The following DDT variants were observed in gnomAD, a reference collection of about 807,000 sequenced individuals.
DDT encodes D-dopachrome tautomerase.
In DDT, 4 loss-of-function variants were observed where a neutral mutation model predicts 2.5. The ratio of observed to expected loss-of-function variants is 1.59; its 90% CI spans 0.78 to 3.63. DDT has a LOEUF of 3.63. DDT is among the 30% of genes most tolerant of loss of function. The pLI is 0.01. For synonymous variants in DDT, 11 were observed against 10.0 expected (o/e 1.10, Z -0.19); for missense variants, 32 against 30.0 (o/e 1.07, Z -0.15).
chr22:23,971,370 T>C lies in DDT; in HGVS notation c.*181A>G, dbSNP rs1349347361. Reference sequence around the variant, plus strand: ...AGATAATAGAAGGTAAGAAGTCATGTTTGAATGAGGAAGCTCTCTTCATTT... The same window carrying C: ...AGATAATAGAAGGTAAGAAGTCATGCTTGAATGAGGAAGCTCTCTTCATTT... On this transcript the variant is annotated 3_prime_UTR_variant, in exon 3 of 3. Coordinates refer to ENST00000398344, the MANE Select transcript of DDT (RefSeq NM_001084392.3). 1.9e-6 allele frequency: 3 copies of C among 1,613,980 alleles called. No individual in the cohort carries two copies. The highest frequency in any genetic ancestry group is 2.2e-5 in the East Asian group (1 of 44,882).
rs113258960 is a variant in DDT, at chr22:23,972,527, G to A, written c.285-904C>T. Reference sequence around the variant, plus strand: ...ATAGTTGTATTGTTTAGGGAATAATGACAAGGAATAAAGTCTATACGTATT... The same window carrying A: ...ATAGTTGTATTGTTTAGGGAATAATAACAAGGAATAAAGTCTATACGTATT... On this transcript the variant is annotated intron_variant, in intron 2 of 2. Transcript: ENST00000398344. 0.013 allele frequency: 7,477 copies of A among 572,436 alleles called. 529 individuals carry two copies. The African/African-American group carries it at 0.14, about 11-fold the overall frequency. The allele number at this position is 572,436 out of a possible 1,614,324, so 35.5% of individuals were successfully genotyped here.
rs377124613 is a variant in DDT, at chr22:23,971,419, G to A, written c.*132C>T. 4.3e-6 allele frequency: 7 copies of A among 1,612,118 alleles called. No individual in the cohort carries two copies. Among genetic ancestry groups the A allele is most frequent in the African/African-American group, 2.7e-5 (2 of 74,850 alleles). On this transcript the variant is annotated 3_prime_UTR_variant, in exon 3 of 3. Coordinates refer to ENST00000398344, the MANE Select transcript of DDT (RefSeq NM_001084392.3). ...TTATTTCATATGAGGATGAAGAAGA[G>A]GATTATGTGATCACAGGAATGTTGC...
chr22:23,972,290 T>C (rs1008924555), intron 2 of DDT: 2 of 884,072 alleles, frequency 2.3e-6, no homozygotes, highest in African/African-American at 1.8e-5. Context: ...ACATGGTAAG[T>C]GTATAACACT....
upstream of DDT, chr22:23,980,326 TC>T (rs1291396520): frequency 9.3e-3 from 1,778 of 191,914 alleles, 360 homozygotes; most frequent in East Asian, 0.034. Context: ...CCAGCCCGTT[TC>T]CCCGCGTGTC....
In DDT at chr22:23,971,629, G is replaced by A; in HGVS notation, c.285-6C>T. On this transcript the variant is annotated splice_polypyrimidine_tract_variant and splice_region_variant and intron_variant, in intron 2 of 2. Coordinates refer to ENST00000398344, the MANE Select transcript of DDT (RefSeq NM_001084392.3). ...GGAAAAAGCGGATAAGTATCCTTCA[G>A]GAGACAGAGAAAAAGATATCATCAG... 6.2e-7 allele frequency: 1 copy of A among 1,610,816 alleles called. No individual in the cohort carries two copies. Among genetic ancestry groups the A allele is most frequent in the Non-Finnish European group, 8.5e-7 (1 of 1,177,760 alleles).
At position 23,972,230 on chromosome 22, in the gene DDT, G is replaced by C. The variant is rs375953203; in HGVS notation, c.285-607C>G. The C allele has an allele frequency of 2.9e-5, 28 of 952,690 alleles. No homozygotes were observed. The East Asian group carries it at 1.9e-3, about 65-fold the overall frequency. The allele number at this position is 952,690 out of a possible 1,614,324, so 59.0% of individuals were successfully genotyped here. On this transcript the variant is annotated intron_variant, in intron 2 of 2. Coordinates refer to ENST00000398344, the MANE Select transcript of DDT (RefSeq NM_001084392.3). ...AGCAAAGGGAGAGTGGATAGGGATT[G>C]TAAGGATCAAATGGGATCATGAGTG...
chr22:23,973,167 G>A, intron 2 of DDT: 1 of 19,022 alleles, frequency 5.3e-5, no homozygotes, highest in Non-Finnish European at 9.9e-5. Context: ...CTTCTTGTGG[G>A]GGAGGGAGGT....
chr22:23,973,372 A>AAC, intron 2 of DDT: 1 of 3,628 alleles, frequency 2.8e-4, no homozygotes, highest in Non-Finnish European at 4.6e-4. Flanking sequence ...CAAAATACGT[A>AAC]ACTTCAGAAC....
chr22:23,971,478 C>G lies in DDT; in HGVS notation c.*73G>C. 6.2e-7 allele frequency: 1 copy of G among 1,607,738 alleles called. No homozygotes were observed. ...TAATCCAAAGCTGGTTATCTCCAGG[C>G]CCTCACTCTGCCAAGAGATCTCTCT... On this transcript the variant is annotated 3_prime_UTR_variant, in exon 3 of 3. Transcript: ENST00000398344.
At chr22:23,971,645 A>G (rs1555894185) in intron 2 of DDT, 22 bp from the exon 3 acceptor site, 8 of 1,607,076 alleles carry the variant, frequency 5.0e-6, no homozygotes, top group South Asian at 3.3e-5. Context: ...AGAGAAAAAG[A>G]TATCATCAGC....
At chr22:23,971,770 G>C in intron 2 of DDT, 147 bp from the exon 3 acceptor site, 1 of 695,486 alleles carries the variant, frequency 1.4e-6, no homozygotes, top group Non-Finnish European at 2.4e-6. Flanking sequence ...TCCCAATAAT[G>C]ATTTTCCCCA....
rs1420066144 is a variant in DDT at position 23,972,751 on chromosome 22, T to A, written c.284+1017A>T. 15 of 802,890 alleles carry A rather than the reference T, an allele frequency of 1.9e-5. 1 individual carries two copies. The highest frequency in any genetic ancestry group is 2.2e-5 in the Non-Finnish European group (15 of 690,634). The allele number at this position is 802,890 out of a possible 1,614,324, so 49.7% of individuals were successfully genotyped here. A position where few individuals can be genotyped will look rare whatever the true frequency, so the allele number is the denominator to read the frequency against. On this transcript the variant is annotated intron_variant, in intron 2 of 2. Transcript: ENST00000398344. ...AAGGCTCCATTTCAGAAGGTCTTTT[T>A]TTGTGAGCCAAGGTCTCACTGTCAC... is the stretch of plus-strand genomic sequence containing the variant.
chr22:23,971,716 G>C, intron 2 of DDT, 93 bp from the exon 3 acceptor site: 8 of 1,165,104 alleles, frequency 6.9e-6, no homozygotes, highest in Non-Finnish European at 8.6e-6. Flanking sequence ...TGGGTACTCA[G>C]GACAGCCTGC....
At position 23,971,615 on chromosome 22, in the gene DDT, A is replaced by G. The variant is rs150489967; in HGVS notation, c.293T>C (p.Ile98Thr). 2.4e-4 allele frequency: 391 copies of G among 1,614,104 alleles called. 1 individual carries two copies. The highest frequency in any genetic ancestry group is 2.7e-4 in the Non-Finnish European group (317 of 1,179,952). Reference sequence around the variant, plus strand: ...CCAGGACTCCAAGGGGAAAAAGCGGATAAGTATCCTTCAGGAGACAGAGAA... The same window carrying G: ...CCAGGACTCCAAGGGGAAAAAGCGGGTAAGTATCCTTCAGGAGACAGAGAA... ...ELALGQDRIL[I>T]RFFPLESWQI... The change falls in exon 3 of 3, where the codon ATC becomes ACC. Residue 98 changes from isoleucine to threonine, a missense_variant. By Grantham distance (89) the Ile-to-Thr change is moderately conservative. Transcript: ENST00000398344.
At chr22:23,972,069 G>T in intron 2 of DDT, 1 of 654,604 alleles carries the variant, frequency 1.5e-6, no homozygotes, top group Non-Finnish European at 1.9e-6. Flanking sequence ...AGAGGTAACA[G>T]CAAGTTTCCA....
At chr22:23,972,784 G>A in intron 2 of DDT, 2 of 485,804 alleles carry the variant, frequency 4.1e-6, no homozygotes, top group African/African-American at 2.7e-5. Context: ...CACACAGGAT[G>A]GAGTGCAATG....
chr22:23,971,449 G>C lies in DDT; in HGVS notation c.*102C>G. ...ATGTGATCACAGGAATGTTGCATGCGGGATAATCCAAAGCTGGTTATCTCC... is the reference window on the plus strand; with the variant it reads ...ATGTGATCACAGGAATGTTGCATGCCGGATAATCCAAAGCTGGTTATCTCC... On this transcript the variant is annotated 3_prime_UTR_variant, in exon 3 of 3. Transcript: ENST00000398344. The C allele has an allele frequency of 1.2e-6, 2 of 1,607,718 alleles. No individual in the cohort carries two copies. Among genetic ancestry groups the C allele is most frequent in the Non-Finnish European group, 8.5e-7 (1 of 1,175,972 alleles).
Position 23,971,554 on chromosome 22 carries a change from T to C in DDT, c.354A>G (p.Leu118=). The C allele has an allele frequency of 6.2e-7, 1 of 1,613,966 alleles. No individual in the cohort carries two copies. The highest frequency in any genetic ancestry group is 8.5e-7 in the Non-Finnish European group (1 of 1,179,954). Residue 118 remains leucine (L), a synonymous_variant, in exon 3 of 3, where the codon TTA becomes TTG. Coordinates refer to ENST00000398344, the MANE Select transcript of DDT (RefSeq NM_001084392.3). ...CCCTGGATCCCTCCGTGCCCAATCA[T>C]AAAAAAGTCATGACCGTCCCTATCT... ...IGKIGTVMTF[L]
At position 23,972,060 on chromosome 22, in the gene DDT, G is replaced by C. The variant is rs1043588839; in HGVS notation, c.285-437C>G. The C allele has an allele frequency of 8.9e-6, 5 of 564,522 alleles. No homozygotes were observed. In the African/African-American group the frequency reaches 1.0e-4, roughly 12 times the overall value. The allele number at this position is 564,522 out of a possible 1,614,324, so 35.0% of individuals were successfully genotyped here. ...GCCATAAGTGAACATGCCCCTCTCA[G>C]AGGTAACAGCAAGTTTCCAGTGAGG... On this transcript the variant is annotated intron_variant, in intron 2 of 2. Coordinates refer to ENST00000398344, the MANE Select transcript of DDT (RefSeq NM_001084392.3).
Sources: gnomAD v4.1 joint callset for allele counts on GRCh38, gnomAD v4.1.1 for gene constraint, MANE v1.5 for transcripts, NCBI Gene and HGNC (gene_info 2026-07-23, HGNC 2026-07-21) for gene names.